Variants in SOX5 observed in about 807,000 individuals in gnomAD.
SOX5 encodes transcription factor SOX-5.
A neutral mutation model predicts 92.0 loss-of-function variants in SOX5; 9 were observed. The ratio of observed to expected loss-of-function variants is 0.10; its 90% CI spans 0.06 to 0.17. The LOEUF (loss-of-function observed/expected upper bound fraction) is 0.17. Among genes scored for constraint, SOX5 ranks in the 10% least tolerant of loss-of-function variants. The pLI is 1.00. For missense variants in SOX5, 642 were observed against 944.5 expected (o/e 0.68, Z 4.20); for synonymous variants, 344 against 336.3 (o/e 1.02, Z -0.25).
At chr12:23,833,308 T>A (rs1052977248) in intron 3 of SOX5, among the ~76,000 whole-genome samples, 9 of 151,606 alleles carry the variant, frequency 5.9e-5, no homozygotes, top group African/African-American at 1.9e-4. Flanking sequence ...GATCCAATAA[T>A]AAAATTGCCC....
chr12:23,810,636 G>T (rs899554297), intron 3 of SOX5, among the ~76,000 whole-genome samples: 1 of 152,128 alleles, frequency 6.6e-6, no homozygotes, highest in African/African-American at 2.4e-5. Context: ...AGGACAGAGG[G>T]GCTTCAGAGG....
chr12:23,543,126 C>T, intron 13 of SOX5, 85 bp downstream of exon 13: 1 of 1,167,408 alleles, frequency 8.6e-7, no homozygotes, highest in Non-Finnish European at 1.2e-6. Context: ...TGTATGGCCT[C>T]CAAATCCAGG....
At chr12:23,819,190 A>C (rs1208125539) in intron 3 of SOX5, among the ~76,000 whole-genome samples, 1 of 152,228 alleles carries the variant, frequency 6.6e-6, no homozygotes, top group African/African-American at 2.4e-5. Flanking sequence ...GCATCACCAC[A>C]AACTTGTGAA....
At chr12:24,526,272 G>GA (rs1950702316) in intron 1 of SOX5, among the ~76,000 whole-genome samples, 1 of 152,038 alleles carries the variant, frequency 6.6e-6, no homozygotes, top group South Asian at 2.1e-4. Flanking sequence ...TCTTAAAATG[G>GA]AAAAAATAAC....
chr12:24,378,122 T>C (rs1957466561), intron 1 of SOX5, among the ~76,000 whole-genome samples: 1 of 152,250 alleles, frequency 6.6e-6, no homozygotes, highest in South Asian at 2.1e-4. Context: ...AATTCCTAGC[T>C]TCCAGCCTTA....
chr12:24,556,328 T>C (rs1459395739), intron 1 of SOX5, among the ~76,000 whole-genome samples: 2 of 152,236 alleles, frequency 1.3e-5, no homozygotes, highest in African/African-American at 4.8e-5. Flanking sequence ...TCTGTTTCAT[T>C]GGGAAGAGAA....
At chr12:24,310,939 G>A (rs901495075) in intron 2 of SOX5, among the ~76,000 whole-genome samples, 2 of 151,626 alleles carry the variant, frequency 1.3e-5, no homozygotes, top group African/African-American at 4.8e-5. Context: ...TGTATTTCAG[G>A]AACTACTTTT....
chr12:24,067,365 G>A (rs1014153665), intron 4 of SOX5, among the ~76,000 whole-genome samples: 2 of 152,080 alleles, frequency 1.3e-5, no homozygotes, highest in African/African-American at 4.8e-5. Context: ...TTAGTACCAA[G>A]GGTTTGCCCC....
intron 1 of SOX5, among the ~76,000 whole-genome samples, chr12:24,411,607 C>T (rs1964097387): frequency 6.6e-6 from 1 of 152,168 alleles, no homozygotes; most frequent in Non-Finnish European, 1.5e-5. Context: ...CTGAATTACA[C>T]TGATGGTTTT....
At chr12:24,043,676 A>C (rs1956732027) in intron 4 of SOX5, among the ~76,000 whole-genome samples, 1 of 152,232 alleles carries the variant, frequency 6.6e-6, no homozygotes. Flanking sequence ...TATGTTGCAC[A>C]TATAAAACCT....
Position 23,533,456 on chromosome 12 carries a change from G to T in SOX5, c.*763C>A. On this transcript the variant is annotated 3_prime_UTR_variant, in exon 15 of 15. Coordinates refer to ENST00000451604, the MANE Select transcript of SOX5 (RefSeq NM_006940.6). ...CTAACTTAAGAAGGAAAAGGAAAAA[G>T]TAAAGAGAAAAAATGAACTTGGTCA... The T allele has an allele frequency of 5.3e-6, 1 of 188,544 alleles. No homozygotes were observed. The highest frequency in any genetic ancestry group is 1.1e-5 in the Non-Finnish European group (1 of 88,626). The allele number at this position is 188,544 out of a possible 1,614,324, so 11.7% of individuals were successfully genotyped here.
chr12:23,638,712 C>T (rs932631304), intron 8 of SOX5, among the ~76,000 whole-genome samples: 4 of 151,812 alleles, frequency 2.6e-5, no homozygotes, highest in East Asian at 2.0e-4. Flanking sequence ...CTGGGGAAGG[C>T]TGAAGTCAAG....
At chr12:23,560,309 TTA>T (rs1389302170) in intron 11 of SOX5, among the ~76,000 whole-genome samples, 2 of 152,220 alleles carry the variant, frequency 1.3e-5, no homozygotes, top group African/African-American at 4.8e-5. Context: ...CATATATTTT[TTA>T]TGTCTTTCAC....
At chr12:24,224,520 G>T (rs578013538) in intron 3 of SOX5, among the ~76,000 whole-genome samples, 98 of 152,142 alleles carry the variant, frequency 6.4e-4, no homozygotes, top group African/African-American at 2.1e-3. Flanking sequence ...GATAGCAAAT[G>T]ATTAAGAATA....
chr12:23,816,207 CT>C (rs11347313), intron 3 of SOX5, among the ~76,000 whole-genome samples: 71,490 of 129,494 alleles, frequency 0.55, 18,568 homozygotes, highest in East Asian at 0.74. Context: ...GACAAGATTT[CT>C]TTTTTTTTTT....
chr12:24,337,364 A>G (rs1374198286), intron 2 of SOX5, among the ~76,000 whole-genome samples: 4 of 148,168 alleles, frequency 2.7e-5, no homozygotes, highest in Non-Finnish European at 5.9e-5. Flanking sequence ...TAAGAGAGAG[A>G]GAGTTTCACT....
At chr12:24,168,465 T>A (rs1275267552) in intron 4 of SOX5, among the ~76,000 whole-genome samples, 1 of 152,224 alleles carries the variant, frequency 6.6e-6, no homozygotes, top group Admixed American at 6.5e-5. Context: ...TGGCCTGTAA[T>A]TTGTATTTCA....
intron 3 of SOX5, among the ~76,000 whole-genome samples, chr12:24,235,766 C>T (rs1317717267): frequency 1.3e-5 from 2 of 152,126 alleles, no homozygotes; most frequent in East Asian, 1.9e-4. Context: ...CTAGTTTATG[C>T]TTTTGAGACT....
chr12:23,811,401 G>A (rs1320474908), intron 3 of SOX5, among the ~76,000 whole-genome samples: 1 of 152,070 alleles, frequency 6.6e-6, no homozygotes, highest in African/African-American at 2.4e-5. Flanking sequence ...ATTTTACCAA[G>A]TTCAATACCT....
Sources: gnomAD v4.1 joint callset for allele counts (sites outside exome capture counted in the v4.1 genomes callset) on GRCh38, gnomAD v4.1.1 for gene constraint, MANE v1.5 for transcripts, NCBI Gene and HGNC (gene_info 2026-07-23, HGNC 2026-07-21) for gene names.